Variants in AGBL4 observed in about 807,000 individuals in gnomAD.
AGBL4 encodes the protein AGBL carboxypeptidase 4.
Under a neutral mutation model 66.4 loss-of-function variants are expected in AGBL4, and 58 were observed. The ratio of observed to expected loss-of-function variants is 0.87; its 90% CI spans 0.71 to 1.09. The LOEUF is 1.09. Among genes scored for constraint, AGBL4 ranks in the 50% least tolerant of loss-of-function variants. The pLI, the probability that AGBL4 is intolerant of heterozygous loss-of-function variation, is 0.00. For synonymous variants in AGBL4, 234 were observed against 222.9 expected (o/e 1.05, Z -0.44); for missense variants, 579 against 631.0 (o/e 0.92, Z 0.88).
At chr1:49,129,666 G>A (rs1306389562) in intron 4 of AGBL4, among the ~76,000 whole-genome samples, 2 of 152,044 alleles carry the variant, frequency 1.3e-5, no homozygotes, top group South Asian at 2.1e-4. Flanking sequence ...TGGCTGCATA[G>A]TATTCCATGG....
chr1:49,128,662 A>G (rs1302080768), intron 4 of AGBL4, among the ~76,000 whole-genome samples: 1 of 152,090 alleles, frequency 6.6e-6, no homozygotes, highest in East Asian at 1.9e-4. Flanking sequence ...CTGGATATCC[A>G]ATGGAAAAAA....
At chr1:48,561,522 A>G (rs538242031) in intron 11 of AGBL4, among the ~76,000 whole-genome samples, 11 of 152,310 alleles carry the variant, frequency 7.2e-5, no homozygotes, top group African/African-American at 2.6e-4. Context: ...CTTGACTGAG[A>G]TGCCCAGACA....
At chr1:49,922,203 A>T (rs1452838632) in intron 1 of AGBL4, among the ~76,000 whole-genome samples, 1 of 152,172 alleles carries the variant, frequency 6.6e-6, no homozygotes, top group Non-Finnish European at 1.5e-5. Flanking sequence ...AGCCTACTTG[A>T]TCACTGTGTA....
At chr1:48,836,040 G>A (rs1646662669) in intron 6 of AGBL4, among the ~76,000 whole-genome samples, 1 of 152,090 alleles carries the variant, frequency 6.6e-6, no homozygotes, top group South Asian at 2.1e-4. Flanking sequence ...AGTGGTTCCA[G>A]GGACACCAGT....
intron 4 of AGBL4, among the ~76,000 whole-genome samples, chr1:49,155,603 C>T (rs1199721762): frequency 6.6e-6 from 1 of 152,030 alleles, no homozygotes; most frequent in Non-Finnish European, 1.5e-5. Context: ...ACACTATAGT[C>T]CTAGATAGCA....
rs528859817 is a variant in AGBL4 at position 48,579,700 on chromosome 1, G to A, written c.1267+7304C>T. Among the ~76,000 whole-genome samples, 13 of 149,480 alleles carry A rather than the reference G, an allele frequency of 8.7e-5. No homozygotes were observed. In the East Asian group the frequency reaches 2.7e-3, roughly 31 times the overall value. ...CTGAGGCGGATGGATCACGAGGTCA[G>A]GAGATCGAGACCATCCTGGCTAACA... On this transcript the variant is annotated intron_variant, in intron 11 of 13. Transcript: ENST00000371839.
intron 3 of AGBL4, among the ~76,000 whole-genome samples, chr1:49,315,114 GACAAACCTGACAAA>G (rs1645015716): frequency 6.6e-6 from 1 of 152,096 alleles, no homozygotes; most frequent in Non-Finnish European, 1.5e-5. Flanking sequence ...TCTGATCTTT[GACAAACCTGACAAA>G]AACAAGCAAT....
chr1:49,068,710 T>G (rs942286915), intron 4 of AGBL4, among the ~76,000 whole-genome samples: 3 of 152,210 alleles, frequency 2.0e-5, no homozygotes, highest in Non-Finnish European at 2.9e-5. Flanking sequence ...TGTGTCTTTA[T>G]AGTAGAATGA....
intron 1 of AGBL4, among the ~76,000 whole-genome samples, chr1:49,962,503 C>T (rs1016197770): frequency 6.6e-6 from 1 of 152,136 alleles, no homozygotes; most frequent in Non-Finnish European, 1.5e-5. Context: ...AGGTCATCTG[C>T]ATGAAGTTAT....
intron 5 of AGBL4, 54 bp downstream of exon 5, chr1:49,045,530 A>G: frequency 2.6e-6 from 4 of 1,514,628 alleles, no homozygotes; most frequent in South Asian, 2.4e-5. Flanking sequence ...TTAAGTCCCT[A>G]TCCCAAGTTT....
intron 3 of AGBL4, among the ~76,000 whole-genome samples, chr1:49,640,263 T>C (rs1473294965): frequency 6.6e-6 from 1 of 152,202 alleles, no homozygotes; most frequent in East Asian, 1.9e-4. Flanking sequence ...TAATAGAACA[T>C]TGTTGCCAAG....
At position 49,348,432 on chromosome 1, in the gene AGBL4, T is replaced by A. The variant is rs555606358; in HGVS notation, c.283-102568A>T. On this transcript the variant is annotated intron_variant, in intron 3 of 13. Transcript: ENST00000371839. ...CGACACTCCGTCTCAAAAAAAAAAA[T>A]AAAAATAAAAAAAAGGAAGACAGAC... is the stretch of plus-strand genomic sequence containing the variant. Among the ~76,000 whole-genome samples, 105 of 147,850 alleles carry A rather than the reference T, an allele frequency of 7.1e-4. 2 individuals carry two copies. Among genetic ancestry groups the A allele is most frequent in the South Asian group, 5.4e-3 (25 of 4,626 alleles).
At chr1:48,875,210 GA>G (rs1649103074) in intron 5 of AGBL4, among the ~76,000 whole-genome samples, 1 of 152,102 alleles carries the variant, frequency 6.6e-6, no homozygotes, top group Admixed American at 6.6e-5. Context: ...AAAAATATGG[GA>G]AAAGGTATTC....
chr1:49,044,497 A>G (rs1247448968), intron 5 of AGBL4, among the ~76,000 whole-genome samples: 2 of 149,088 alleles, frequency 1.3e-5, no homozygotes, highest in Non-Finnish European at 3.0e-5. Context: ...CTCCATCTCA[A>G]AAAAAAAAAG....
chr1:49,916,797 T>C (rs373515367), intron 1 of AGBL4, among the ~76,000 whole-genome samples: 3 of 151,928 alleles, frequency 2.0e-5, no homozygotes, highest in East Asian at 1.9e-4. Context: ...TTCACCAAAG[T>C]TGAAATGAAG....
intron 3 of AGBL4, among the ~76,000 whole-genome samples, chr1:49,560,612 G>A (rs1173459780): frequency 3.3e-5 from 5 of 152,062 alleles, no homozygotes; most frequent in African/African-American, 9.7e-5. Flanking sequence ...TCCAAGTACA[G>A]GAAGATTATG....
chr1:48,651,787 G>T (rs1315172079), intron 8 of AGBL4, among the ~76,000 whole-genome samples: 1 of 152,188 alleles, frequency 6.6e-6, no homozygotes, highest in African/African-American at 2.4e-5. Flanking sequence ...AGCCTGGCTG[G>T]CTGTCAGGAG....
intron 5 of AGBL4, among the ~76,000 whole-genome samples, chr1:49,018,657 C>T (rs1663006199): frequency 6.6e-6 from 1 of 152,094 alleles, no homozygotes; most frequent in African/African-American, 2.4e-5. Context: ...CCTTCTTTAC[C>T]CCTTTGGTGG....
rs1662649442 is a variant in AGBL4 at position 50,023,950 on chromosome 1, C to A, written c.-154G>T. 1.3e-6 allele frequency: 1 copy of A among 750,944 alleles called. No homozygotes were observed. The highest frequency in any genetic ancestry group is 3.5e-5 in the East Asian group (1 of 28,298). The allele number at this position is 750,944 out of a possible 1,614,324, so 46.5% of individuals were successfully genotyped here. ...GGCAGGCGCGCGGGTGGCCGGCGCG[C>A]GGCTGAGGGCGGGAGGGACGCCTGG... On this transcript the variant is annotated 5_prime_UTR_variant, in exon 1 of 14. Coordinates refer to ENST00000371839, the MANE Select transcript of AGBL4 (RefSeq NM_032785.4).
Sources: gnomAD v4.1 joint callset for allele counts (sites outside exome capture counted in the v4.1 genomes callset) on GRCh38, gnomAD v4.1.1 for gene constraint, MANE v1.5 for transcripts, NCBI Gene and HGNC (gene_info 2026-07-23, HGNC 2026-07-21) for gene names.